Variants in PTPRT observed in about 807,000 individuals in gnomAD.
PTPRT encodes the protein protein tyrosine phosphatase receptor type T, also known as receptor-type tyrosine-protein phosphatase T.
PTPRT carries 56 observed loss-of-function variants against 176.8 expected under a neutral mutation model. The observed-to-expected ratio is 0.32, with a 90% CI of 0.26 to 0.40. PTPRT has a LOEUF of 0.40. PTPRT is among the 10% of genes least tolerant of loss of function. The pLI is 1.00. For synonymous variants in PTPRT, 783 were observed against 739.0 expected (o/e 1.06, Z -0.96); for missense variants, 1,540 against 1,908.2 (o/e 0.81, Z 3.60).
intron 15 of PTPRT, among the ~76,000 whole-genome samples, chr20:42,212,139 A>G (rs7345986): frequency 0.62 from 66,955 of 107,542 alleles, 21,241 homozygotes; most frequent in African/African-American, 0.78. Flanking sequence ...ACACTCTGGG[A>G]ACTGTTGTGG....
chr20:43,158,970 G>A (rs1424094009), intron 1 of PTPRT, among the ~76,000 whole-genome samples: 1 of 152,174 alleles, frequency 6.6e-6, no homozygotes, highest in African/African-American at 2.4e-5. Context: ...CAAAATGACT[G>A]TTTTGTTGCC....
chr20:42,289,134 T>C (rs953148576), intron 12 of PTPRT, among the ~76,000 whole-genome samples: 2 of 152,070 alleles, frequency 1.3e-5, no homozygotes, highest in Non-Finnish European at 2.9e-5. Flanking sequence ...TCAAAATGGA[T>C]TAAAGACTTA....
chr20:42,068,136 T>G (rs1982155306), downstream of PTPRT, among the ~76,000 whole-genome samples: 2 of 152,124 alleles, frequency 1.3e-5, no homozygotes, highest in Admixed American at 1.3e-4. Context: ...CATTGTTAAC[T>G]TCCCTGCATT....
chr20:42,046,778 A>AGTGAGTGTGTGTGT, the PTPRT span, among the ~76,000 whole-genome samples: 2 of 150,706 alleles, frequency 1.3e-5, no homozygotes, highest in African/African-American at 4.9e-5. Context: ...TTGTCATGTG[A>AGTGAGTGTGTGTGT]GTGTGTGTGT....
chr20:43,107,350 A>T (rs1464878506), intron 1 of PTPRT, among the ~76,000 whole-genome samples: 1 of 152,242 alleles, frequency 6.6e-6, no homozygotes, highest in Non-Finnish European at 1.5e-5. Context: ...AGAAAAAGGC[A>T]GCAAGGAAAA....
intron 2 of PTPRT, among the ~76,000 whole-genome samples, chr20:42,796,042 C>A (rs2077449437): frequency 6.6e-6 from 1 of 152,180 alleles, no homozygotes; most frequent in Non-Finnish European, 1.5e-5. Context: ...GCCATGCAAT[C>A]TCTGTTTTAA....
chr20:42,597,395 G>C (rs118085882), intron 7 of PTPRT, among the ~76,000 whole-genome samples: 1 of 152,094 alleles, frequency 6.6e-6, no homozygotes, highest in Non-Finnish European at 1.5e-5. Flanking sequence ...TGGCGATATG[G>C]TTTGGATCTG....
At chr20:43,009,309 T>C (rs1418922115) in intron 1 of PTPRT, among the ~76,000 whole-genome samples, 1 of 152,174 alleles carries the variant, frequency 6.6e-6, no homozygotes. Context: ...TGCCCAGCCC[T>C]GTGAGAGAAT....
Position 43,189,387 on chromosome 20 carries a change from C to G in PTPRT, c.88+259G>C, listed in dbSNP as rs932062828. On this transcript the variant is annotated intron_variant, in intron 1 of 30. Coordinates refer to ENST00000373187, the MANE Select transcript of PTPRT (RefSeq NM_007050.6). The surrounding 1 kb of genome is among the most constrained non-coding windows in gnomAD (Gnocchi z 5.0). ...AACAACCGCGGAAAGTTACTCCAGC[C>G]CGGGGGGCCGGCAGGAAACTGAAGC... 1.4e-4 allele frequency among the ~76,000 whole-genome samples: 21 copies of G among 152,196 alleles called. No homozygotes were observed. Among genetic ancestry groups the G allele is most frequent in the Non-Finnish European group, 2.6e-4 (18 of 68,032 alleles).
chr20:42,432,596 C>G (rs984879571), intron 9 of PTPRT, among the ~76,000 whole-genome samples: 2 of 152,150 alleles, frequency 1.3e-5, no homozygotes, highest in African/African-American at 2.4e-5. Flanking sequence ...TGTGGCAATA[C>G]AAAACCAAAT....
intron 6 of PTPRT, among the ~76,000 whole-genome samples, chr20:42,750,887 G>A (rs2076760635): frequency 2.0e-5 from 3 of 152,114 alleles, no homozygotes; most frequent in Admixed American, 1.3e-4. Context: ...TTGAGGGGCC[G>A]AATTGTCAAT....
chr20:42,671,309 C>T (rs1256024443), intron 7 of PTPRT, among the ~76,000 whole-genome samples: 1 of 152,160 alleles, frequency 6.6e-6, no homozygotes, highest in African/African-American at 2.4e-5. Context: ...TAGTCACCAC[C>T]CGAGATCTCC....
In PTPRT at chr20:42,658,500, C is replaced by T. The variant is rs1280707208; in HGVS notation, c.1153+19366G>A. Among the ~76,000 whole-genome samples the T allele has an allele frequency of 2.6e-5, 4 of 152,154 alleles. No individual in the cohort carries two copies. The East Asian group carries it at 5.8e-4, about 22-fold the overall frequency. On this transcript the variant is annotated intron_variant, in intron 7 of 30. Coordinates refer to ENST00000373187, the MANE Select transcript of PTPRT (RefSeq NM_007050.6). ...AACACTAAATAAACCATGAAAAGCA[C>T]ACTCGTTTACAGTAGGGGAGCTGAA...
chr20:42,631,340 C>T (rs539187860), intron 7 of PTPRT, among the ~76,000 whole-genome samples: 85 of 152,156 alleles, frequency 5.6e-4, no homozygotes, highest in African/African-American at 1.9e-3. Context: ...TAAAAATGTT[C>T]CTGAAGACTT....
chr20:42,928,011 G>A (rs923791736), intron 1 of PTPRT, among the ~76,000 whole-genome samples: 4 of 152,206 alleles, frequency 2.6e-5, no homozygotes, highest in East Asian at 3.9e-4. Flanking sequence ...AAGCAGCACC[G>A]TGTAGCACAG....
At chr20:42,046,933 G>C in the PTPRT span, among the ~76,000 whole-genome samples, 2 of 152,168 alleles carry the variant, frequency 1.3e-5, no homozygotes, top group African/African-American at 2.4e-5. Context: ...TGCCATGACA[G>C]CTGGCACCCA....
At chr20:42,805,980 C>A (rs2077601288) in intron 2 of PTPRT, among the ~76,000 whole-genome samples, 1 of 151,564 alleles carries the variant, frequency 6.6e-6, no homozygotes, top group African/African-American at 2.4e-5. Flanking sequence ...ATATCTCACA[C>A]CCTAATTCCT....
chr20:42,780,252 G>C lies in PTPRT; in HGVS notation c.534C>G (p.Ala178=). Residue 178 remains alanine (A), a synonymous_variant, in exon 4 of 31, where the codon GCC becomes GCG. Transcript: ENST00000373187. ...VSLKGHPGYI[A]VDEVRVLAHP... is the part of the protein sequence containing the mutation. ...GAGCAAGGACCCGGACCTCGTCCAC[G>C]GCGATGTAGCCAGGATGACCCTTCA... The C allele has an allele frequency of 6.2e-7, 1 of 1,614,018 alleles. No homozygotes were observed.
At chr20:42,165,887 G>T (rs1989802979) in intron 16 of PTPRT, among the ~76,000 whole-genome samples, 1 of 152,110 alleles carries the variant, frequency 6.6e-6, no homozygotes, top group Admixed American at 6.5e-5. Context: ...ATTTAAGATG[G>T]TCTTGTGGCA....
Sources: gnomAD v4.1 joint callset for allele counts (sites outside exome capture counted in the v4.1 genomes callset) on GRCh38, gnomAD v4.1.1 for gene constraint, Gnocchi (gnomAD v3.1) non-coding constraint, MANE v1.5 for transcripts, NCBI Gene and HGNC (gene_info 2026-07-23, HGNC 2026-07-21) for gene names.